Variants in DCLK1 observed in about 807,000 individuals in gnomAD.
The protein encoded by DCLK1 is serine/threonine-protein kinase DCLK1.
A neutral mutation model predicts 86.2 loss-of-function variants in DCLK1; 16 were observed. That is an observed-to-expected ratio of 0.19 (90% CI 0.13 to 0.28). The LOEUF is 0.28. DCLK1 is among the 10% of genes least tolerant of loss of function. The pLI, the probability that DCLK1 is intolerant of heterozygous loss-of-function variation, is 1.00. For missense variants in DCLK1, 590 were observed against 940.2 expected (o/e 0.63, Z 4.87); for synonymous variants, 369 against 370.5 (o/e 1.00, Z 0.05).
intron 3 of DCLK1, among the ~76,000 whole-genome samples, chr13:35,982,706 C>T (rs542080444): frequency 1.4e-4 from 21 of 152,218 alleles, no homozygotes; most frequent in East Asian, 1.9e-4. Context: ...ACGTCTGTTG[C>T]GGAACGTTAC....
chr13:35,845,304 A>C (rs899317856), intron 6 of DCLK1, among the ~76,000 whole-genome samples: 8 of 152,178 alleles, frequency 5.3e-5, no homozygotes, highest in Non-Finnish European at 1.0e-4. Flanking sequence ...TATCCTCTTT[A>C]ACATCCTTTT....
chr13:36,087,420 G>A lies in DCLK1; in HGVS notation c.723+24449C>T, dbSNP rs540835588. On this transcript the variant is annotated intron_variant, in intron 3 of 16. Transcript: ENST00000360631. Reference sequence around the variant, plus strand: ...AGGAAAAATAAACCCTTGCAAAGGAGTCTGTGATCTTTTCGCTTATGTTGT... The same window carrying A: ...AGGAAAAATAAACCCTTGCAAAGGAATCTGTGATCTTTTCGCTTATGTTGT... Among the ~76,000 whole-genome samples, 5 of 152,310 alleles carry A rather than the reference G, an allele frequency of 3.3e-5. No individual in the cohort carries two copies. The East Asian group carries it at 7.7e-4, about 24-fold the overall frequency.
chr13:35,925,364 C>T (rs1876054969), intron 4 of DCLK1, among the ~76,000 whole-genome samples: 1 of 152,134 alleles, frequency 6.6e-6, no homozygotes, highest in Non-Finnish European at 1.5e-5. Context: ...TGGCTACAAA[C>T]CAAACATGAG....
At chr13:36,050,401 A>G (rs1883080577) in intron 3 of DCLK1, among the ~76,000 whole-genome samples, 1 of 152,146 alleles carries the variant, frequency 6.6e-6, no homozygotes, top group African/African-American at 2.4e-5. Context: ...GTGCTGATGG[A>G]TGTTAAATTC....
intron 3 of DCLK1, among the ~76,000 whole-genome samples, chr13:36,097,672 C>G (rs1885064969): frequency 6.6e-6 from 1 of 152,120 alleles, no homozygotes; most frequent in Non-Finnish European, 1.5e-5. Flanking sequence ...CAGTAGCTTT[C>G]TCAACATTTA....
At chr13:35,911,155 A>G (rs1875004074) in intron 4 of DCLK1, among the ~76,000 whole-genome samples, 1 of 149,682 alleles carries the variant, frequency 6.7e-6, no homozygotes, top group Admixed American at 6.7e-5. Context: ...CTAGCCAGGC[A>G]TGATGGTGGA....
At chr13:35,887,707 G>C (rs993769053) in intron 4 of DCLK1, among the ~76,000 whole-genome samples, 6 of 151,854 alleles carry the variant, frequency 4.0e-5, no homozygotes, top group Admixed American at 3.9e-4. Context: ...AATCACCTAT[G>C]TCATGTAGCT....
At chr13:35,895,508 T>C (rs1248709805) in intron 4 of DCLK1, among the ~76,000 whole-genome samples, 1 of 152,220 alleles carries the variant, frequency 6.6e-6, no homozygotes, top group Non-Finnish European at 1.5e-5. Context: ...AAGTGCAATA[T>C]GACATGATGC....
intron 3 of DCLK1, among the ~76,000 whole-genome samples, chr13:36,074,744 T>C (rs1479410619): frequency 6.6e-6 from 1 of 152,138 alleles, no homozygotes; most frequent in Non-Finnish European, 1.5e-5. Flanking sequence ...AAAATCAAGA[T>C]GGAGGCCCCC....
At position 36,048,853 on chromosome 13, in the gene DCLK1, T is replaced by TGCTGCAAAA. The variant is rs545943040; in HGVS notation, c.723+63007_723+63015dup. On this transcript the variant is annotated intron_variant, in intron 3 of 16. Coordinates refer to ENST00000360631, the MANE Select transcript of DCLK1 (RefSeq NM_001330071.2). ...TGGGGTCACAGCACCTGTGGGCAAA[T>TGCTGCAAAA]GCTGCAAAAGCCTCAGGACTCCGGA... Among the ~76,000 whole-genome samples the TGCTGCAAAA allele has an allele frequency of 2.0e-3, 307 of 152,268 alleles. 2 individuals are homozygous for TGCTGCAAAA. Among genetic ancestry groups the TGCTGCAAAA allele is most frequent in the African/African-American group, 7.2e-3 (298 of 41,562 alleles).
At chr13:36,073,867 G>T (rs41446645) in intron 3 of DCLK1, among the ~76,000 whole-genome samples, 22,912 of 152,170 alleles carry the variant, frequency 0.15, 2,145 homozygotes, top group Non-Finnish European at 0.21. Context: ...ATCCGCACCT[G>T]AATTACTATG....
At chr13:36,000,766 A>G (rs1389808770) in intron 3 of DCLK1, among the ~76,000 whole-genome samples, 2 of 152,204 alleles carry the variant, frequency 1.3e-5, no homozygotes, top group Non-Finnish European at 2.9e-5. Flanking sequence ...ATATGTTCCA[A>G]TGTATAAATG....
At chr13:35,810,586 T>G (rs2153102899) in intron 12 of DCLK1, among the ~76,000 whole-genome samples, 1 of 152,348 alleles carries the variant, frequency 6.6e-6, no homozygotes, top group African/African-American at 2.4e-5. Flanking sequence ...GGTTAATAAC[T>G]TCTGTTCTAC....
At chr13:35,814,974 T>A (rs2087236507) in intron 11 of DCLK1, among the ~76,000 whole-genome samples, 1 of 152,212 alleles carries the variant, frequency 6.6e-6, no homozygotes. Context: ...AGACATCCTA[T>A]GATTTGACAG....
chr13:35,788,196 C>T, intron 16 of DCLK1: 1 of 1,612,564 alleles, frequency 6.2e-7, no homozygotes, highest in Non-Finnish European at 8.5e-7. Context: ...GACTGTTGAG[C>T]TGCACCATCT....
intron 3 of DCLK1, among the ~76,000 whole-genome samples, chr13:36,095,346 T>C (rs1884974095): frequency 1.3e-5 from 2 of 152,024 alleles, no homozygotes; most frequent in Non-Finnish European, 2.9e-5. Context: ...GCTGGGACTA[T>C]AGGCATGTGT....
At chr13:35,820,470 C>G (rs551484237) in intron 11 of DCLK1, among the ~76,000 whole-genome samples, 1 of 152,000 alleles carries the variant, frequency 6.6e-6, no homozygotes. Context: ...AGAAGTATCA[C>G]GTAAACTGTA....
intron 16 of DCLK1, among the ~76,000 whole-genome samples, chr13:35,782,636 CTGAAAAAATCAG>C (rs1183870969): frequency 1.3e-5 from 2 of 152,100 alleles, no homozygotes; most frequent in African/African-American, 4.8e-5. Flanking sequence ...CATGTCTATC[CTGAAAAAATCAG>C]TGAAAAAATG....
chr13:35,950,700 G>A (rs555567262), intron 3 of DCLK1, among the ~76,000 whole-genome samples: 13 of 152,292 alleles, frequency 8.5e-5, no homozygotes, highest in South Asian at 4.1e-4. Context: ...CAGGGCAGAC[G>A]CAAAGGCAGA....
Sources: gnomAD v4.1 joint callset for allele counts (sites outside exome capture counted in the v4.1 genomes callset) on GRCh38, gnomAD v4.1.1 for gene constraint, MANE v1.5 for transcripts, NCBI Gene and HGNC (gene_info 2026-07-23, HGNC 2026-07-21) for gene names.